The following AFDN variants were observed in gnomAD, a reference collection of about 807,000 sequenced individuals.
The protein encoded by AFDN is afadin, adherens junction formation factor.
A neutral mutation model predicts 216.6 loss-of-function variants in AFDN; 68 were observed. The observed-to-expected ratio is 0.31, with a 90% CI of 0.26 to 0.38. AFDN has a LOEUF of 0.38. Among genes scored for constraint, AFDN ranks in the 10% least tolerant of loss-of-function variants. The pLI is 1.00. For synonymous variants in AFDN, 868 were observed against 853.7 expected, an observed-to-expected ratio of 1.02 and a Z score of -0.29; for missense variants, 2,136 against 2,342.0, an observed-to-expected ratio of 0.91 and a Z score of 1.82.
At chr6:167,963,892 C>T in intron 31 of AFDN, 1 of 1,064,586 alleles carries the variant, frequency 9.4e-7, no homozygotes, top group Non-Finnish European at 1.1e-6. Context: ...GAAAGCGCTC[C>T]CTGGCTGCTT....
Position 167,918,482 on chromosome 6 carries a change from CT to C in AFDN, c.2710-251del, listed in dbSNP as rs142571116. ...TCTTTTTATTTAAAGCTACACGTTA[CT>C]TAAAATTAGTAATTAAAATCTTGGT... On this transcript the variant is annotated intron_variant, in intron 20 of 33. Transcript: ENST00000683244. 9.5e-3 allele frequency among the ~76,000 whole-genome samples: 1,440 copies of C among 152,298 alleles called. 18 individuals carry two copies. The highest frequency in any genetic ancestry group is 0.019 in the Admixed American group (293 of 15,306).
chr6:167,951,821 G>T lies in AFDN; in HGVS notation c.4467G>T (p.Gln1489His). Reference sequence around the variant, plus strand: ...AGGAAACAGTCATTCGGGAGCTGCAGCCTCAGCAGCAGCCCCGCACGATCG... The same window carrying T: ...AGGAAACAGTCATTCGGGAGCTGCATCCTCAGCAGCAGCCCCGCACGATCG... Reference protein sequence around the residue: ...RPQETVIRELQPQQQPRTIER... With the variant: ...RPQETVIRELHPQQQPRTIER... Residue 1489 changes from glutamine (Q) to histidine (H), a missense_variant, in exon 30 of 34, where the codon CAG becomes CAT. By Grantham distance (24) the Gln-to-His change is conservative (BLOSUM62 0). Around this residue, in one of 8 missense-constraint regions of AFDN, gnomAD observed 981 missense variants for 966.0 expected, o/e 1.02. Coordinates refer to ENST00000683244, the MANE Select transcript of AFDN (RefSeq NM_001386888.1). The surrounding 1 kb of genome is among the most constrained non-coding windows in gnomAD (Gnocchi z 7.1). The T allele has an allele frequency of 2.5e-6, 4 of 1,614,162 alleles. No individual in the cohort carries two copies. Among genetic ancestry groups the T allele is most frequent in the Non-Finnish European group, 3.4e-6 (4 of 1,180,030 alleles).
chr6:167,939,353 C>T (rs1356084477), intron 23 of AFDN, among the ~76,000 whole-genome samples: 5 of 152,118 alleles, frequency 3.3e-5, no homozygotes, highest in Non-Finnish European at 1.5e-5. Flanking sequence ...GTAATCATTG[C>T]TTTTCTGTAG....
intron 21 of AFDN, among the ~76,000 whole-genome samples, chr6:167,920,101 A>G (rs991906796): frequency 3.9e-5 from 6 of 152,160 alleles, no homozygotes; most frequent in Non-Finnish European, 8.8e-5. Flanking sequence ...TGCCATCCTC[A>G]GAGACGCAGA....
intron 13 of AFDN, among the ~76,000 whole-genome samples, chr6:167,910,591 A>C (rs1790258739): frequency 6.6e-6 from 1 of 152,206 alleles, no homozygotes; most frequent in Non-Finnish European, 1.5e-5. Flanking sequence ...TAAGCATTGG[A>C]AAATGATGAT....
intron 1 of AFDN, among the ~76,000 whole-genome samples, chr6:167,855,081 C>G (rs560649536): frequency 6.6e-6 from 1 of 152,048 alleles, no homozygotes; most frequent in East Asian, 1.9e-4. Context: ...AATTTGACTT[C>G]AAATTTGTCT....
chr6:167,864,937 C>T, intron 2 of AFDN, 191 bp downstream of exon 2: 1 of 759,998 alleles, frequency 1.3e-6, no homozygotes, highest in East Asian at 2.4e-5. Flanking sequence ...AAATCCCTGG[C>T]ACATATATCT....
Position 167,913,396 on chromosome 6 carries a change from T to C in AFDN, c.2038-7T>C. The C allele has an allele frequency of 6.5e-7, 1 of 1,535,982 alleles. No individual in the cohort carries two copies. Among genetic ancestry groups the C allele is most frequent in the African/African-American group, 1.4e-5 (1 of 73,152 alleles). On this transcript the variant is annotated splice_polypyrimidine_tract_variant and splice_region_variant and intron_variant, in intron 15 of 33. Transcript: ENST00000683244. ...TGCTTGATTTCCCCTCGTCTGTTTT[T>C]CTCCAGGAAGTAGACCAGGTTGACC...
At chr6:167,890,263 T>G (rs1787398724) in intron 7 of AFDN, among the ~76,000 whole-genome samples, 1 of 152,200 alleles carries the variant, frequency 6.6e-6, no homozygotes, top group Non-Finnish European at 1.5e-5. Flanking sequence ...TTAAAAACAG[T>G]GTAAAGTTAA....
intron 26 of AFDN, among the ~76,000 whole-genome samples, chr6:167,944,263 C>T (rs192269804): frequency 1.3e-5 from 2 of 152,236 alleles, no homozygotes; most frequent in East Asian, 3.9e-4. Context: ...TCACCAGGAC[C>T]CCTCCCTGTC....
At chr6:167,909,193 C>A (rs1252157242) in intron 13 of AFDN, among the ~76,000 whole-genome samples, 1 of 151,856 alleles carries the variant, frequency 6.6e-6, no homozygotes, top group Non-Finnish European at 1.5e-5. Flanking sequence ...AGGCATTTTT[C>A]TTTTCCTTAA....
At chr6:167,849,586 C>G (rs540060482) in intron 1 of AFDN, among the ~76,000 whole-genome samples, 80 of 152,070 alleles carry the variant, frequency 5.3e-4, no homozygotes, top group Non-Finnish European at 1.0e-3. Context: ...TGAGTTCATG[C>G]CTATTGTGTA....
chr6:167,883,553 T>C (rs1786412662), intron 6 of AFDN, among the ~76,000 whole-genome samples: 1 of 152,210 alleles, frequency 6.6e-6, no homozygotes, highest in African/African-American at 2.4e-5. Context: ...ACCGTCACGG[T>C]AAATCTGGCA....
At chr6:167,922,069 T>A (rs1001129214) in intron 21 of AFDN, among the ~76,000 whole-genome samples, 1 of 152,172 alleles carries the variant, frequency 6.6e-6, no homozygotes, top group African/African-American at 2.4e-5. Context: ...TGATGAATGT[T>A]AGGTGCTGAT....
At chr6:167,946,199 CA>C (rs1383317186) in intron 26 of AFDN, among the ~76,000 whole-genome samples, 1 of 152,146 alleles carries the variant, frequency 6.6e-6, no homozygotes, top group African/African-American at 2.4e-5. Flanking sequence ...TTAAAAGAAG[CA>C]AACTAGAATG....
At position 167,962,961 on chromosome 6, in the gene AFDN, G is replaced by T. The variant is rs139277383; in HGVS notation, c.4968+394G>T. On this transcript the variant is annotated intron_variant, in intron 31 of 33. Coordinates refer to ENST00000683244, the MANE Select transcript of AFDN (RefSeq NM_001386888.1). This position sits in a 1 kb window ranked among gnomAD's most constrained non-coding sequence, Gnocchi z 5.2. ...GTGGACCGTGGGAAGCAGTAGGAGC[G>T]TAGTAAGACAGTTGGCTGCCATTCA... 4.2e-5 allele frequency: 46 copies of T among 1,099,904 alleles called. No homozygotes were observed. The highest frequency in any genetic ancestry group is 4.9e-5 in the Non-Finnish European group (44 of 899,028). 68.1% of individuals were successfully genotyped at this position (1,099,904 alleles called of 1,614,324 possible).
intron 30 of AFDN, chr6:167,954,475 A>T: frequency 6.2e-7 from 1 of 1,603,026 alleles, no homozygotes; most frequent in Non-Finnish European, 8.5e-7. Flanking sequence ...CTATGCCAGC[A>T]ATCTCTGTTC....
At chr6:167,867,584 C>A (rs1354826127) in intron 2 of AFDN, among the ~76,000 whole-genome samples, 1 of 152,010 alleles carries the variant, frequency 6.6e-6, no homozygotes, top group Non-Finnish European at 1.5e-5. Flanking sequence ...CGCCCGCCAC[C>A]ACACCTGGCC....
At chr6:167,877,435 A>T (rs1401834016) in intron 5 of AFDN, among the ~76,000 whole-genome samples, 1 of 152,164 alleles carries the variant, frequency 6.6e-6, no homozygotes, top group Non-Finnish European at 1.5e-5. Context: ...AAGAGGAGTC[A>T]TCAAAGCAAA....
Sources: gnomAD v4.1 joint callset for allele counts (sites outside exome capture counted in the v4.1 genomes callset) on GRCh38, gnomAD v4.1.1 for gene constraint, gnomAD v4.1.1 regional missense constraint, Gnocchi (gnomAD v3.1) non-coding constraint, MANE v1.5 for transcripts, NCBI Gene and HGNC (gene_info 2026-07-23, HGNC 2026-07-21) for gene names.